MYO1D: variants seen among roughly 807,000 people sequenced by gnomAD.
MYO1D encodes the protein unconventional myosin-Id.
In MYO1D, 83 loss-of-function variants were observed where a neutral mutation model predicts 122.0. That is an observed-to-expected ratio of 0.68 (90% CI 0.57 to 0.82). The LOEUF (loss-of-function observed/expected upper bound fraction) is 0.82. Among genes scored for constraint, MYO1D ranks in the 40% least tolerant of loss-of-function variants. The pLI, the probability that MYO1D is intolerant of heterozygous loss-of-function variation, is 0.00. For missense variants in MYO1D, 1,157 were observed against 1,269.5 expected, an observed-to-expected ratio of 0.91 and a Z score of 1.35; for synonymous variants, 464 against 446.9, an observed-to-expected ratio of 1.04 and a Z score of -0.48.
chr17:32,580,137 T>C (rs1049262986), intron 21 of MYO1D, among the ~76,000 whole-genome samples: 1 of 152,110 alleles, frequency 6.6e-6, no homozygotes, highest in Non-Finnish European at 1.5e-5. Context: ...GACAAACCAG[T>C]TATCCAAAAA....
intron 13 of MYO1D, among the ~76,000 whole-genome samples, chr17:32,744,655 AC>A (rs2089811943): frequency 6.6e-6 from 1 of 152,196 alleles, no homozygotes. Flanking sequence ...TTCTTCATGG[AC>A]CTTCTTTTTA....
chr17:32,796,046 TAAACCA>T (rs1320320986), intron 1 of MYO1D, among the ~76,000 whole-genome samples: 1 of 152,194 alleles, frequency 6.6e-6, no homozygotes, highest in Non-Finnish European at 1.5e-5. Context: ...CATGAAGATT[TAAACCA>T]AAACATGAGA....
intron 15 of MYO1D, among the ~76,000 whole-genome samples, chr17:32,718,896 G>T (rs1474560318): frequency 6.6e-6 from 1 of 151,996 alleles, no homozygotes; most frequent in Non-Finnish European, 1.5e-5. Flanking sequence ...TGTTACCAGT[G>T]ACTCCAAAAT....
chr17:32,568,664 C>T (rs1465984099), intron 21 of MYO1D, among the ~76,000 whole-genome samples: 1 of 152,174 alleles, frequency 6.6e-6, no homozygotes, highest in African/African-American at 2.4e-5. Context: ...CTGTGGTCAC[C>T]TCACATGGAA....
intron 6 of MYO1D, among the ~76,000 whole-genome samples, chr17:32,770,370 A>C (rs1412332629): frequency 1.3e-5 from 2 of 152,198 alleles, no homozygotes; most frequent in African/African-American, 2.4e-5. Flanking sequence ...AAGGAAAAAC[A>C]GAACACAAAT....
At chr17:32,844,387 A>G (rs1209382060) in intron 1 of MYO1D, among the ~76,000 whole-genome samples, 1 of 146,756 alleles carries the variant, frequency 6.8e-6, no homozygotes, top group Non-Finnish European at 1.5e-5. Context: ...ATGTGTATAT[A>G]TACTATATAT....
intron 21 of MYO1D, among the ~76,000 whole-genome samples, chr17:32,508,360 C>T (rs560134644): frequency 3.9e-5 from 6 of 152,018 alleles, no homozygotes; most frequent in Admixed American, 1.3e-4. Flanking sequence ...CTGCAACCTC[C>T]GCTTCCCTGG....
intron 3 of MYO1D, 90 bp downstream of exon 3, chr17:32,778,390 A>G (rs961779853): frequency 1.1e-5 from 14 of 1,291,466 alleles, no homozygotes; most frequent in Non-Finnish European, 1.6e-5. Context: ...TAGACCCCCA[A>G]AATGCTCAAC....
chr17:32,668,457 T>C (rs183197961), intron 16 of MYO1D, among the ~76,000 whole-genome samples: 1 of 152,350 alleles, frequency 6.6e-6, no homozygotes, highest in Non-Finnish European at 1.5e-5. Flanking sequence ...GGTTTGCAAA[T>C]AATCTCAATT....
intron 14 of MYO1D, among the ~76,000 whole-genome samples, chr17:32,732,647 C>G (rs970276452): frequency 1.3e-5 from 2 of 152,238 alleles, no homozygotes; most frequent in African/African-American, 4.8e-5. Flanking sequence ...TAAAGCACCT[C>G]TTTGCCTTGC....
At position 32,550,165 on chromosome 17, in the gene MYO1D, T is replaced by C. The variant is rs1198544905; in HGVS notation, c.2864+54922A>G. 2.6e-5 allele frequency among the ~76,000 whole-genome samples: 4 copies of C among 151,660 alleles called. No individual in the cohort carries two copies. The East Asian group carries it at 7.8e-4, about 29-fold the overall frequency. On this transcript the variant is annotated intron_variant, in intron 21 of 21. Coordinates refer to ENST00000318217, the MANE Select transcript of MYO1D (RefSeq NM_015194.3). ...CCCAGGCTGGAGGGCAGCGGTGTAA[T>C]CTCAGCTCACTGCAACCCCTGCCTT...
At chr17:32,726,591 C>CATCTAAT (rs1252536157) in intron 14 of MYO1D, among the ~76,000 whole-genome samples, 1 of 149,392 alleles carries the variant, frequency 6.7e-6, no homozygotes. Flanking sequence ...ATATCTATAT[C>CATCTAAT]ATCTAATAGC....
At position 32,695,314 on chromosome 17, in the gene MYO1D, C is replaced by T. The variant is rs112624436; in HGVS notation, c.2121+16674G>A. 3.2e-3 allele frequency among the ~76,000 whole-genome samples: 495 copies of T among 152,310 alleles called. 2 individuals are homozygous for T. Among genetic ancestry groups the T allele is most frequent in the African/African-American group, 0.011 (472 of 41,568 alleles). On this transcript the variant is annotated intron_variant, in intron 16 of 21. Transcript: ENST00000318217. ...AATGAGCCACTGATCTTACAGGAGGCGGAGCTCAGGTGGTAATGTTTGCTC... is the reference window on the plus strand; with the variant it reads ...AATGAGCCACTGATCTTACAGGAGGTGGAGCTCAGGTGGTAATGTTTGCTC...
At chr17:32,843,125 A>G (rs908831598) in intron 1 of MYO1D, among the ~76,000 whole-genome samples, 18 of 152,034 alleles carry the variant, frequency 1.2e-4, no homozygotes, top group African/African-American at 4.3e-4. Flanking sequence ...CCTGACCTCA[A>G]GTGATCCGCC....
intron 21 of MYO1D, among the ~76,000 whole-genome samples, chr17:32,554,567 T>A (rs2087051724): frequency 1.3e-5 from 2 of 152,144 alleles, no homozygotes; most frequent in Admixed American, 6.5e-5. Flanking sequence ...AAAGCATTCA[T>A]GTAAAGGCTA....
At position 32,675,316 on chromosome 17, in the gene MYO1D, A is replaced by C. The variant is rs184103856; in HGVS notation, c.2122-15978T>G. Among the ~76,000 whole-genome samples, 6 of 152,312 alleles carry C rather than the reference A, an allele frequency of 3.9e-5. No homozygotes were observed. In the South Asian group the frequency reaches 6.2e-4, roughly 16 times the overall value. The stretch of plus-strand genomic sequence containing the variant: ...GCTGGATATACTCCTGTGATGTTGA[A>C]GTTTTATATGGTCTTCATAATTAAT... On this transcript the variant is annotated intron_variant, in intron 16 of 21. Coordinates refer to ENST00000318217, the MANE Select transcript of MYO1D (RefSeq NM_015194.3).
intron 20 of MYO1D, among the ~76,000 whole-genome samples, chr17:32,624,289 C>T (rs758797098): frequency 4.8e-5 from 7 of 145,676 alleles, no homozygotes; most frequent in South Asian, 2.2e-4. Context: ...TGGGCTCAAG[C>T]GGTCCTCTCA....
intron 21 of MYO1D, among the ~76,000 whole-genome samples, chr17:32,578,551 T>C (rs1253715863): frequency 6.6e-6 from 1 of 152,256 alleles, no homozygotes; most frequent in Non-Finnish European, 1.5e-5. Flanking sequence ...AATTAGCTTT[T>C]GAGTTTGAAA....
At chr17:32,583,627 A>G (rs1279288753) in intron 21 of MYO1D, among the ~76,000 whole-genome samples, 1 of 152,138 alleles carries the variant, frequency 6.6e-6, no homozygotes, top group Non-Finnish European at 1.5e-5. Context: ...TAAATTCACC[A>G]ATTTTTAGTT....
Sources: allele counts gnomAD v4.1 joint callset (sites outside exome capture counted in the v4.1 genomes callset), GRCh38; gene constraint gnomAD v4.1.1; transcripts MANE v1.5; gene names NCBI Gene and HGNC (gene_info 2026-07-23, HGNC 2026-07-21).